RBPMS: variants seen among roughly 807,000 people sequenced by gnomAD.
RBPMS encodes the protein RNA binding protein, mRNA processing factor, also known as RNA-binding protein with multiple splicing.
RBPMS carries 7 observed loss-of-function variants against 26.8 expected under a neutral mutation model. The observed-to-expected ratio is 0.26, with a 90% CI of 0.15 to 0.49. RBPMS has a LOEUF of 0.49. RBPMS is among the 20% of genes least tolerant of loss of function. The pLI is 0.98. For synonymous variants in RBPMS, 96 were observed against 93.3 expected (o/e 1.03, Z -0.17); for missense variants, 186 against 250.0 (o/e 0.74, Z 1.73).
At chr8:30,540,409 G>A (rs1429740041) in intron 5 of RBPMS, among the ~76,000 whole-genome samples, 13 of 152,086 alleles carry the variant, frequency 8.5e-5, no homozygotes, top group Admixed American at 8.5e-4. Flanking sequence ...TCATAGAAGG[G>A]TTTTAAGCGG....
intron 4 of RBPMS, among the ~76,000 whole-genome samples, chr8:30,487,752 A>G (rs1226981961): frequency 6.6e-6 from 1 of 151,898 alleles, no homozygotes; most frequent in Non-Finnish European, 1.5e-5. Context: ...GAACATTATT[A>G]GACTAATCTA....
chr8:30,518,715 T>TC (rs1554533806), intron 5 of RBPMS, among the ~76,000 whole-genome samples: 20 of 129,976 alleles, frequency 1.5e-4, no homozygotes, highest in East Asian at 2.1e-4. Context: ...TTTTTTTTTT[T>TC]CTGAAAAGGA....
rs1334385403 is a variant in RBPMS, at chr8:30,511,481, AAAAAAATATATAT to A, written c.397+7047_397+7059del. Among the ~76,000 whole-genome samples the A allele has an allele frequency of 2.0e-4, 15 of 73,180 alleles. 1 individual carries two copies. Among genetic ancestry groups the A allele is most frequent in the African/African-American group, 1.0e-3 (13 of 12,834 alleles). 48.0% of individuals were successfully genotyped at this position (73,180 alleles called of 152,430 possible). On this transcript the variant is annotated intron_variant, in intron 5 of 8. Transcript: ENST00000397323. ...TTTAAAACAAAAAAAGAAAAAAAAA[AAAAAAATATATAT>A]ATATATATATATATATATATATATA... is the stretch of plus-strand genomic sequence containing the variant.
At chr8:30,520,625 A>C (rs1822929912) in intron 5 of RBPMS, among the ~76,000 whole-genome samples, 1 of 152,138 alleles carries the variant, frequency 6.6e-6, no homozygotes, top group Non-Finnish European at 1.5e-5. Context: ...AATACGACCT[A>C]TCACTGTTAG....
chr8:30,447,477 A>G (rs1170044092), intron 1 of RBPMS, among the ~76,000 whole-genome samples: 1 of 152,236 alleles, frequency 6.6e-6, no homozygotes. Context: ...AACATCTGAC[A>G]AAAAGACTGA....
In RBPMS at chr8:30,412,501, A is replaced by G. The variant is rs1300333884; in HGVS notation, c.66+27343A>G. Among the ~76,000 whole-genome samples the G allele has an allele frequency of 3.3e-5, 5 of 152,000 alleles. No homozygotes were observed. In the East Asian group the frequency reaches 5.8e-4, roughly 18 times the overall value. ...CAGTCTCGCACGTACTTTCCCCCCA[A>G]CTTTACTACATCTATTTTTAGCACC... On this transcript the variant is annotated intron_variant, in intron 1 of 8. Transcript: ENST00000397323.
At chr8:30,489,661 TCTGGAACTC>T (rs1819178088) in intron 4 of RBPMS, among the ~76,000 whole-genome samples, 1 of 152,016 alleles carries the variant, frequency 6.6e-6, no homozygotes, top group Non-Finnish European at 1.5e-5. Context: ...GTCAGGCTGG[TCTGGAACTC>T]CTGACCTCGT....
rs1378397759 is a variant in RBPMS, at chr8:30,385,067, C to T, written c.-26C>T. On this transcript the variant is annotated 5_prime_UTR_variant, in exon 1 of 9. Coordinates refer to ENST00000397323, the MANE Select transcript of RBPMS (RefSeq NM_001008710.3). Reference sequence around the variant, plus strand: ...CCCAGCCCCGCGCCCCAGCCCTGCCCGGCCCGGCGAGGAAGGACCGGGAAG... The same window carrying T: ...CCCAGCCCCGCGCCCCAGCCCTGCCTGGCCCGGCGAGGAAGGACCGGGAAG... The T allele has an allele frequency of 6.7e-7, 1 of 1,498,046 alleles. No homozygotes were observed. The highest frequency in any genetic ancestry group is 8.9e-7 in the Non-Finnish European group (1 of 1,122,356). The allele number at this position is 1,498,046 out of a possible 1,614,324, so 92.8% of individuals were successfully genotyped here.
intron 1 of RBPMS, among the ~76,000 whole-genome samples, chr8:30,419,403 G>A (rs1477773758): frequency 1.3e-4 from 20 of 151,620 alleles, no homozygotes; most frequent in Non-Finnish European, 8.8e-5. Context: ...CCAAGATCAT[G>A]CCATTGCACT....
chr8:30,549,771 CT>C (rs1223358739), intron 6 of RBPMS, among the ~76,000 whole-genome samples: 22 of 46,408 alleles, frequency 4.7e-4, no homozygotes, highest in African/African-American at 2.2e-3. Flanking sequence ...CTTTTCTTTT[CT>C]TCTCTCTCTC....
intron 5 of RBPMS, among the ~76,000 whole-genome samples, chr8:30,529,063 A>G (rs940479476): frequency 6.6e-6 from 1 of 152,002 alleles, no homozygotes; most frequent in Admixed American, 6.5e-5. Context: ...CCAAAAAAAA[A>G]TTAAAAATTA....
chr8:30,567,824 C>T (rs1347550436), intron 8 of RBPMS, among the ~76,000 whole-genome samples: 2 of 152,202 alleles, frequency 1.3e-5, no homozygotes. Context: ...CGGCAGCAGC[C>T]AGCATGGAGG....
At chr8:30,463,746 C>T (rs542664910) in intron 1 of RBPMS, among the ~76,000 whole-genome samples, 1 of 152,128 alleles carries the variant, frequency 6.6e-6, no homozygotes, top group Non-Finnish European at 1.5e-5. Flanking sequence ...GTGATTTGTC[C>T]AAGTGCATAC....
chr8:30,491,350 T>C (rs1819365695), intron 4 of RBPMS, among the ~76,000 whole-genome samples: 1 of 152,164 alleles, frequency 6.6e-6, no homozygotes, highest in African/African-American at 2.4e-5. Context: ...AAGATAGTGA[T>C]TATCTTTGGG....
rs1010815437 is a variant in RBPMS, at chr8:30,384,910, C to T, written c.-183C>T. 10 of 375,810 alleles carry T rather than the reference C, an allele frequency of 2.7e-5. No homozygotes were observed. The highest frequency in any genetic ancestry group is 4.2e-5 in the Non-Finnish European group (9 of 215,034). The allele number at this position is 375,810 out of a possible 1,614,324, so 23.3% of individuals were successfully genotyped here. ...GCCCGCCGCCGCCGTCGCAGACTCG[C>T]CGCGGGAGCCCCAGCCCAACCCGAG... On this transcript the variant is annotated 5_prime_UTR_variant, in exon 1 of 9. Coordinates refer to ENST00000397323, the MANE Select transcript of RBPMS (RefSeq NM_001008710.3). This position sits in a 1 kb window ranked among gnomAD's most constrained non-coding sequence, Gnocchi z 5.6.
At chr8:30,518,715 T>TTTC (rs1554533805) in intron 5 of RBPMS, among the ~76,000 whole-genome samples, 1 of 129,924 alleles carries the variant, frequency 7.7e-6, no homozygotes, top group Non-Finnish European at 1.6e-5. Flanking sequence ...TTTTTTTTTT[T>TTTC]CTGAAAAGGA....
intron 4 of RBPMS, among the ~76,000 whole-genome samples, chr8:30,499,296 T>A (rs1313106401): frequency 6.6e-6 from 1 of 152,150 alleles, no homozygotes; most frequent in African/African-American, 2.4e-5. Context: ...GCAATGAGAT[T>A]ACTAAAGCAC....
At chr8:30,477,127 A>C (rs1336810675) in intron 2 of RBPMS, among the ~76,000 whole-genome samples, 1 of 152,110 alleles carries the variant, frequency 6.6e-6, no homozygotes, top group Non-Finnish European at 1.5e-5. Context: ...CCATCGGCTC[A>C]CTGCAAGCTC....
intron 1 of RBPMS, among the ~76,000 whole-genome samples, chr8:30,390,811 C>G (rs1807709798): frequency 6.6e-6 from 1 of 152,154 alleles, no homozygotes; most frequent in Admixed American, 6.5e-5. Context: ...AACACCTACC[C>G]CAGCACCAGG....
Sources: gnomAD v4.1 joint callset for allele counts (sites outside exome capture counted in the v4.1 genomes callset) on GRCh38, gnomAD v4.1.1 for gene constraint, Gnocchi (gnomAD v3.1) non-coding constraint, MANE v1.5 for transcripts, NCBI Gene and HGNC (gene_info 2026-07-23, HGNC 2026-07-21) for gene names.